Variants in EIF2AK4 observed in about 807,000 individuals in gnomAD.
The protein encoded by EIF2AK4 is eukaryotic translation initiation factor 2 alpha kinase 4.
EIF2AK4 carries 139 observed loss-of-function variants against 211.1 expected under a neutral mutation model. The observed-to-expected ratio is 0.66, with a 90% CI of 0.57 to 0.76. The LOEUF (loss-of-function observed/expected upper bound fraction) is 0.76. EIF2AK4 is among the 30% of genes least tolerant of loss of function. The pLI, the probability that EIF2AK4 is intolerant of heterozygous loss-of-function variation, is 0.00. For missense variants in EIF2AK4, 1,664 were observed against 2,043.8 expected (o/e 0.81, Z 3.58); for synonymous variants, 710 against 751.3 (o/e 0.94, Z 0.90).
intron 10 of EIF2AK4, among the ~76,000 whole-genome samples, 186 bp downstream of exon 10, chr15:39,973,200 C>G (rs1343275569): frequency 6.6e-6 from 1 of 152,156 alleles, no homozygotes; most frequent in Non-Finnish European, 1.5e-5. Context: ...TTTCTAGTCT[C>G]TATTGATGGA....
intron 13 of EIF2AK4, among the ~76,000 whole-genome samples, chr15:39,985,499 G>C (rs774588228): frequency 1.3e-5 from 2 of 152,194 alleles, no homozygotes. Flanking sequence ...TAGAAGAAAT[G>C]TGTAAATTCC....
chr15:40,019,798 C>T (rs1479602220), intron 30 of EIF2AK4, among the ~76,000 whole-genome samples: 2 of 152,326 alleles, frequency 1.3e-5, no homozygotes, highest in East Asian at 3.9e-4. Flanking sequence ...TCCCTAGACT[C>T]ATTTTCCTTA....
chr15:39,987,883 A>G, intron 14 of EIF2AK4, 100 bp from the exon 15 acceptor site: 1 of 1,382,376 alleles, frequency 7.2e-7, no homozygotes, highest in Non-Finnish European at 1.0e-6. Context: ...TTTAAAACCC[A>G]TGGTACACGT....
At chr15:39,961,647 G>A (rs1258021148) in intron 6 of EIF2AK4, 137 bp from the exon 7 acceptor site, 2 of 633,608 alleles carry the variant, frequency 3.2e-6, no homozygotes, top group African/African-American at 3.7e-5. Context: ...GACTGCGAGT[G>A]GGCTAATAAA....
intron 15 of EIF2AK4, 122 bp downstream of exon 15, chr15:39,988,227 CAT>C: frequency 9.7e-7 from 1 of 1,034,624 alleles, no homozygotes; most frequent in East Asian, 2.5e-5. Flanking sequence ...GGTATATTGA[CAT>C]AATCTATTTT....
chr15:39,971,455 T>C (rs1595401321), intron 9 of EIF2AK4, among the ~76,000 whole-genome samples: 1 of 152,068 alleles, frequency 6.6e-6, no homozygotes, highest in African/African-American at 2.4e-5. Flanking sequence ...ACCTGGGAGG[T>C]AGAGGTTGCA....
intron 3 of EIF2AK4, chr15:39,946,934 T>TTTA (rs745621696): frequency 1.2e-5 from 5 of 409,764 alleles, no homozygotes; most frequent in Non-Finnish European, 2.2e-5. Flanking sequence ...TATTTCACAC[T>TTTA]TAATAGACTA....
chr15:39,959,787 T>C (rs2034440988), intron 6 of EIF2AK4, among the ~76,000 whole-genome samples: 1 of 152,364 alleles, frequency 6.6e-6, no homozygotes, highest in African/African-American at 2.4e-5. Context: ...TAAATCTCAG[T>C]GTGTCCCTAG....
At chr15:39,993,212 C>T (rs1246163445) in intron 18 of EIF2AK4, among the ~76,000 whole-genome samples, 1 of 152,028 alleles carries the variant, frequency 6.6e-6, no homozygotes, top group Non-Finnish European at 1.5e-5. Context: ...GTCCATCCAT[C>T]CATCCATCCA....
intron 15 of EIF2AK4, among the ~76,000 whole-genome samples, chr15:39,988,563 TACCAGCA>T (rs2034898353): frequency 6.6e-6 from 1 of 152,210 alleles, no homozygotes; most frequent in African/African-American, 2.4e-5. Context: ...TTTTTTTCCA[TACCAGCA>T]GATTTGAGTA....
At chr15:40,017,996 G>A (rs2035333209) in intron 29 of EIF2AK4, among the ~76,000 whole-genome samples, 1 of 151,802 alleles carries the variant, frequency 6.6e-6, no homozygotes, top group African/African-American at 2.4e-5. Context: ...GAGATTTATG[G>A]GTATCAACAT....
At chr15:40,026,194 C>A in intron 33 of EIF2AK4, 105 bp downstream of exon 33, 3 of 1,001,216 alleles carry the variant, frequency 3.0e-6, no homozygotes, top group Non-Finnish European at 4.4e-6. Context: ...GTGGCTCACA[C>A]CTGTAATCCC....
At position 40,034,460 on chromosome 15, in the gene EIF2AK4, G is replaced by A. The variant is rs1350755093; in HGVS notation, c.4892+16G>A. On this transcript the variant is annotated intron_variant, in intron 38 of 38. Coordinates refer to ENST00000263791, the MANE Select transcript of EIF2AK4 (RefSeq NM_001013703.4). ...TAGAAAAAAAGTAAGTTATCACTTG[G>A]GCATAGCAGGGTTCACATGGTTAAA... is the stretch of plus-strand genomic sequence containing the variant. 2 of 1,587,666 alleles carry A rather than the reference G, an allele frequency of 1.3e-6. No homozygotes were observed. Among genetic ancestry groups the A allele is most frequent in the Admixed American group, 3.3e-5 (2 of 59,878 alleles).
At chr15:39,983,027 G>A (rs1470858799) in intron 13 of EIF2AK4, among the ~76,000 whole-genome samples, 1 of 152,188 alleles carries the variant, frequency 6.6e-6, no homozygotes, top group South Asian at 2.1e-4. Flanking sequence ...TGTCTTTATA[G>A]CAGAATGATT....
intron 18 of EIF2AK4, among the ~76,000 whole-genome samples, chr15:39,995,265 A>G (rs1436290922): frequency 6.6e-6 from 1 of 152,168 alleles, no homozygotes; most frequent in Non-Finnish European, 1.5e-5. Context: ...TATGTTTTCT[A>G]TAGCCAACAC....
At chr15:40,006,904 T>C in intron 23 of EIF2AK4, 112 bp from the exon 24 acceptor site, 2 of 744,652 alleles carry the variant, frequency 2.7e-6, no homozygotes, top group Non-Finnish European at 2.2e-6. Flanking sequence ...GCCACTGAAG[T>C]ACATACTTTA....
chr15:40,006,958 C>A, intron 23 of EIF2AK4, 58 bp from the exon 24 acceptor site: 3 of 1,306,610 alleles, frequency 2.3e-6, no homozygotes, highest in Non-Finnish European at 3.3e-6. Context: ...TCAATAAAGC[C>A]GCTATTAACA....
chr15:39,964,775 G>A lies in EIF2AK4; in HGVS notation c.860-911G>A, dbSNP rs558273614. Among the ~76,000 whole-genome samples the A allele has an allele frequency of 3.1e-3, 468 of 152,266 alleles. 4 individuals carry two copies. The highest frequency in any genetic ancestry group is 4.0e-3 in the Non-Finnish European group (269 of 68,016). On this transcript the variant is annotated intron_variant, in intron 7 of 38. Transcript: ENST00000263791. Reference sequence around the variant, plus strand: ...CAGAAATTTAGCTCTCCCTGTGTAAGTGAGAACCATATGACTATCACTAAA... The same window carrying A: ...CAGAAATTTAGCTCTCCCTGTGTAAATGAGAACCATATGACTATCACTAAA...
rs2034963780 is a variant in EIF2AK4 at position 39,992,826 on chromosome 15, G to A, written c.2744G>A (p.Ser915Asn). ...ALYVSPEVQG[S>N]TKSAYNQKVD... is the part of the protein sequence containing the mutation. ...TATGTAAGCCCAGAGGTCCAAGGAA[G>A]CACCAAATCTGCATACAACCAGGTA... The change falls in exon 18 of 39, where the codon AGC becomes AAC. Residue 915 changes from serine (S) to asparagine (N), a missense_variant. By Grantham distance (46) the Ser-to-Asn change is conservative. Around this residue, in one of 7 missense-constraint regions of EIF2AK4, gnomAD observed 622 missense variants for 796.8 expected, o/e 0.78. Transcript: ENST00000263791. 6.2e-7 allele frequency: 1 copy of A among 1,614,168 alleles called. No homozygotes were observed. The highest frequency in any genetic ancestry group is 1.1e-5 in the South Asian group (1 of 91,086).
Sources: gnomAD v4.1 joint callset for allele counts (sites outside exome capture counted in the v4.1 genomes callset) on GRCh38, gnomAD v4.1.1 for gene constraint, gnomAD v4.1.1 regional missense constraint, MANE v1.5 for transcripts, NCBI Gene and HGNC (gene_info 2026-07-23, HGNC 2026-07-21) for gene names.